ANKRD30BL: variants seen among roughly 807,000 people sequenced by gnomAD.
ANKRD30BL encodes the protein ankyrin repeat domain 30B like.
In ANKRD30BL, 20 loss-of-function variants were observed where a neutral mutation model predicts 18.4. The observed-to-expected ratio is 1.09, with a 90% CI of 0.77 to 1.58. The LOEUF (loss-of-function observed/expected upper bound fraction) is 1.58, where lower values mean the gene tolerates loss of function less well. ANKRD30BL is among the 40% of genes most tolerant of loss of function. The pLI is 0.00. For missense variants in ANKRD30BL, 224 were observed against 268.6 expected (o/e 0.83, Z 1.16); for synonymous variants, 72 against 100.9 (o/e 0.71, Z 1.72).
intron 1 of ANKRD30BL, among the ~76,000 whole-genome samples, chr2:132,157,662 A>C (rs1687947463): frequency 6.6e-6 from 1 of 152,184 alleles, no homozygotes; most frequent in African/African-American, 2.4e-5. Flanking sequence ...TTGGGCTTGA[A>C]TATTACTTTA....
chr2:132,199,123 G>A (rs7585930), intron 1 of ANKRD30BL, among the ~76,000 whole-genome samples: 12,726 of 152,082 alleles, frequency 0.084, 1,768 homozygotes, highest in African/African-American at 0.29. Flanking sequence ...AGGCCGAGGC[G>A]GGCAGATCAG....
Position 132,221,190 on chromosome 2 carries a change from TG to T in ANKRD30BL, n.441+36338del, listed in dbSNP as rs1169580711. Among the ~76,000 whole-genome samples the T allele has an allele frequency of 9.8e-3, 1,203 of 122,602 alleles. 17 individuals are homozygous for T. The highest frequency in any genetic ancestry group is 0.019 in the African/African-American group (500 of 25,744). The allele number at this position is 122,602 out of a possible 152,430, so 80.4% of individuals were successfully genotyped here. A position where few individuals can be genotyped will look rare whatever the true frequency, so the allele number is the denominator to read the frequency against. On this transcript the variant is annotated intron_variant and non_coding_transcript_variant, in intron 1 of 4. Transcript: ENST00000470729. The stretch of plus-strand genomic sequence containing the variant: ...GCAGCCACCCCATCCGCGAGGGAGG[TG>T]GGGGGGGGTCAGCCCCCCGCCCGGC...
At chr2:132,168,062 T>A (rs1184448824) in intron 1 of ANKRD30BL, among the ~76,000 whole-genome samples, 2 of 152,214 alleles carry the variant, frequency 1.3e-5, no homozygotes, top group Admixed American at 6.5e-5. Context: ...TTCTCTCCAC[T>A]TGAAGAACTT....
intron 1 of ANKRD30BL, among the ~76,000 whole-genome samples, chr2:132,245,485 GT>G (rs1284193992): frequency 1.3e-5 from 2 of 151,142 alleles, no homozygotes; most frequent in African/African-American, 4.8e-5. Context: ...AAACTGCTTT[GT>G]GATGCTTGCA....
chr2:132,248,388 C>A (rs1317530887), intron 1 of ANKRD30BL, among the ~76,000 whole-genome samples: 1 of 152,128 alleles, frequency 6.6e-6, no homozygotes, highest in African/African-American at 2.4e-5. Flanking sequence ...GAGATGAATG[C>A]AAACATCATA....
At chr2:132,165,365 G>C (rs1159038871), upstream of ANKRD30BL, among the ~76,000 whole-genome samples, 1 of 151,378 alleles carries the variant, frequency 6.6e-6, no homozygotes, top group East Asian at 2.0e-4. Context: ...TTTTGGTGTG[G>C]ACATAGTTTT....
At chr2:132,180,559 A>G (rs1688443315) in intron 1 of ANKRD30BL, among the ~76,000 whole-genome samples, 1 of 152,146 alleles carries the variant, frequency 6.6e-6, no homozygotes, top group Non-Finnish European at 1.5e-5. Context: ...TATGCTTGAT[A>G]AATCTGTTAT....
intron 1 of ANKRD30BL, among the ~76,000 whole-genome samples, chr2:132,180,687 A>T (rs1367139097): frequency 6.6e-6 from 1 of 152,096 alleles, no homozygotes; most frequent in East Asian, 1.9e-4. Context: ...ACAAGAAAAG[A>T]GAGAAAAGAA....
At chr2:132,177,651 A>G (rs1424216018) in intron 1 of ANKRD30BL, among the ~76,000 whole-genome samples, 1 of 152,224 alleles carries the variant, frequency 6.6e-6, no homozygotes, top group East Asian at 1.9e-4. Context: ...ATTTTCATTC[A>G]CAATTCACAG....
At chr2:132,163,825 AAG>A (rs1688136966), upstream of ANKRD30BL, among the ~76,000 whole-genome samples, 1 of 152,200 alleles carries the variant, frequency 6.6e-6, no homozygotes, top group Non-Finnish European at 1.5e-5. Flanking sequence ...ACAAAAACCC[AAG>A]AATTGAAGAC....
At chr2:132,169,454 A>G (rs1316269845) in intron 1 of ANKRD30BL, among the ~76,000 whole-genome samples, 1 of 152,158 alleles carries the variant, frequency 6.6e-6, no homozygotes, top group Non-Finnish European at 1.5e-5. Flanking sequence ...CGAGACCATC[A>G]TGGCCACCAT....
At chr2:132,233,520 G>A (rs1310420005) in intron 1 of ANKRD30BL, among the ~76,000 whole-genome samples, 7 of 143,954 alleles carry the variant, frequency 4.9e-5, no homozygotes, top group South Asian at 4.6e-4. Flanking sequence ...AACAAAAAAA[G>A]GCAGGGGTTG....
intron 1 of ANKRD30BL, among the ~76,000 whole-genome samples, chr2:132,232,882 G>A (rs1171110979): frequency 1.3e-5 from 2 of 151,938 alleles, no homozygotes; most frequent in African/African-American, 4.8e-5. Context: ...ACACATAATT[G>A]TCAGATTCAT....
At position 132,210,453 on chromosome 2, in the gene ANKRD30BL, G is replaced by T. The variant is rs916367746; in HGVS notation, n.441+47076C>A. Among the ~76,000 whole-genome samples, 21 of 151,948 alleles carry T rather than the reference G, an allele frequency of 1.4e-4. No individual in the cohort carries two copies. The Middle Eastern group carries it at 0.014, about 99-fold the overall frequency. Reference sequence around the variant, plus strand: ...ACACACAGAGTTGAAACTTTCTTTTGATTGAGCAGTTTGAAACACTCTTTT... The same window carrying T: ...ACACACAGAGTTGAAACTTTCTTTTTATTGAGCAGTTTGAAACACTCTTTT... On this transcript the variant is annotated intron_variant and non_coding_transcript_variant, in intron 1 of 4. Coordinates refer to the ANKRD30BL transcript ENST00000470729.
At chr2:132,254,442 G>T (rs932635210) in intron 1 of ANKRD30BL, among the ~76,000 whole-genome samples, 4 of 152,244 alleles carry the variant, frequency 2.6e-5, no homozygotes, top group African/African-American at 7.2e-5. Context: ...CGTTCCGCCA[G>T]GGCAGTGGGC....
rs538386570 is a variant in ANKRD30BL, at chr2:132,235,315, A to G, written n.441+22214T>C. 2.0e-5 allele frequency among the ~76,000 whole-genome samples: 3 copies of G among 152,288 alleles called. No individual in the cohort carries two copies. The South Asian group carries it at 6.2e-4, about 32-fold the overall frequency. On this transcript the variant is annotated intron_variant and non_coding_transcript_variant, in intron 1 of 4. Transcript: ENST00000470729. Reference sequence around the variant, plus strand: ...CCCTCTCTCACCACTCCTATTCAACATAGGGTTGGAAGTTCTGACCAGGGC... The same window carrying G: ...CCCTCTCTCACCACTCCTATTCAACGTAGGGTTGGAAGTTCTGACCAGGGC...
chr2:132,245,533 C>A (rs1680474103), intron 1 of ANKRD30BL, among the ~76,000 whole-genome samples: 2 of 152,296 alleles, frequency 1.3e-5, no homozygotes, highest in East Asian at 1.9e-4. Context: ...TTTCATAGAG[C>A]AGTTTTGAAA....
chr2:132,193,969 T>A (rs1212974306), intron 1 of ANKRD30BL, among the ~76,000 whole-genome samples: 3 of 151,624 alleles, frequency 2.0e-5, no homozygotes, highest in Non-Finnish European at 4.4e-5. Context: ...TGGGGCAGGA[T>A]GAATACACCC....
At chr2:132,243,185 G>C (rs1298868057) in intron 1 of ANKRD30BL, among the ~76,000 whole-genome samples, 2 of 151,244 alleles carry the variant, frequency 1.3e-5, no homozygotes, top group African/African-American at 4.8e-5. Context: ...GTGGACATTT[G>C]GAACGATTTG....
Sources: allele counts gnomAD v4.1 joint callset (sites outside exome capture counted in the v4.1 genomes callset), GRCh38; gene constraint gnomAD v4.1.1; transcripts MANE v1.5; gene names NCBI Gene and HGNC (gene_info 2026-07-23, HGNC 2026-07-21).